The following ASIC2 variants were observed in gnomAD, a reference collection of about 807,000 sequenced individuals.
ASIC2 encodes acid sensing ion channel subunit 2.
Under a neutral mutation model 57.3 loss-of-function variants are expected in ASIC2, and 25 were observed. The ratio of observed to expected loss-of-function variants is 0.44; its 90% CI spans 0.32 to 0.61. ASIC2 has a LOEUF of 0.61. Among genes scored for constraint, ASIC2 ranks in the 20% least tolerant of loss-of-function variants. The probability of loss-of-function intolerance (pLI) is 0.06; values close to 1 mark genes in which losing one functional copy is unlikely to be tolerated. For synonymous variants in ASIC2, 319 were observed against 307.5 expected (o/e 1.04, Z -0.39); for missense variants, 641 against 738.1 (o/e 0.87, Z 1.52).
intron 1 of ASIC2, among the ~76,000 whole-genome samples, chr17:33,379,748 C>T (rs187968553): frequency 1.5e-4 from 23 of 152,240 alleles, no homozygotes; most frequent in African/African-American, 4.6e-4. Context: ...TTCATTTTAC[C>T]GTTGCTAATA....
At chr17:33,892,182 G>C (rs1410310285) in intron 1 of ASIC2, among the ~76,000 whole-genome samples, 2 of 152,168 alleles carry the variant, frequency 1.3e-5, no homozygotes, top group Non-Finnish European at 2.9e-5. Flanking sequence ...CAATGAACAA[G>C]AAAGAGAATA....
At chr17:33,859,429 G>C (rs1914046585) in intron 1 of ASIC2, among the ~76,000 whole-genome samples, 1 of 152,176 alleles carries the variant, frequency 6.6e-6, no homozygotes, top group South Asian at 2.1e-4. Flanking sequence ...ATTAAAGAGA[G>C]GCAGGCAATA....
chr17:34,090,352 G>T (rs554061191), intron 1 of ASIC2, among the ~76,000 whole-genome samples: 1 of 152,200 alleles, frequency 6.6e-6, no homozygotes, highest in Admixed American at 6.5e-5. Context: ...CTTTTCCAAG[G>T]TTACTGAGTA....
chr17:33,546,775 T>G (rs2141973426), intron 1 of ASIC2, among the ~76,000 whole-genome samples: 1 of 152,272 alleles, frequency 6.6e-6, no homozygotes, highest in African/African-American at 2.4e-5. Context: ...TTCTCTCTCC[T>G]CTTACAGATT....
chr17:33,996,872 G>A (rs957686272), intron 1 of ASIC2, among the ~76,000 whole-genome samples: 2 of 152,126 alleles, frequency 1.3e-5, no homozygotes, highest in African/African-American at 4.8e-5. Context: ...TTTTAGGGTT[G>A]TTTGTTCTAA....
At chr17:33,096,996 CA>C (rs1157519863) in intron 2 of ASIC2, among the ~76,000 whole-genome samples, 4 of 152,214 alleles carry the variant, frequency 2.6e-5, no homozygotes, top group Non-Finnish European at 5.9e-5. Context: ...TAGGTGCCCC[CA>C]TTTTACAGAC....
At chr17:33,784,605 C>T (rs1911550637) in intron 1 of ASIC2, among the ~76,000 whole-genome samples, 1 of 152,102 alleles carries the variant, frequency 6.6e-6, no homozygotes, top group Non-Finnish European at 1.5e-5. Context: ...TACATCATTG[C>T]AACAAAATTA....
chr17:33,705,060 C>T (rs1031501097), intron 1 of ASIC2, among the ~76,000 whole-genome samples: 2 of 152,132 alleles, frequency 1.3e-5, no homozygotes, highest in Non-Finnish European at 2.9e-5. Flanking sequence ...GGAGACTTGC[C>T]TGGTGTTTGT....
At chr17:33,329,530 G>T (rs1907219440) in intron 1 of ASIC2, among the ~76,000 whole-genome samples, 1 of 152,168 alleles carries the variant, frequency 6.6e-6, no homozygotes, top group Admixed American at 6.5e-5. Context: ...GAAGTGGCTT[G>T]GCTAAGGTCA....
chr17:33,370,305 C>T (rs1300669150), intron 1 of ASIC2, among the ~76,000 whole-genome samples: 2 of 152,192 alleles, frequency 1.3e-5, no homozygotes, highest in Admixed American at 6.5e-5. Context: ...CAAAGAACAC[C>T]ACCCCCAACC....
chr17:33,162,269 A>G (rs1905184351), intron 1 of ASIC2, among the ~76,000 whole-genome samples: 1 of 152,190 alleles, frequency 6.6e-6, no homozygotes, highest in African/African-American at 2.4e-5. Flanking sequence ...ACTGAGAAGC[A>G]AATCCTGCGG....
At chr17:33,287,621 C>A (rs1905249422) in intron 1 of ASIC2, among the ~76,000 whole-genome samples, 1 of 152,196 alleles carries the variant, frequency 6.6e-6, no homozygotes, top group Non-Finnish European at 1.5e-5. Flanking sequence ...ACAGCTGCAA[C>A]AAAGAGAGGA....
chr17:33,582,571 A>G (rs1417646956), intron 1 of ASIC2, among the ~76,000 whole-genome samples: 1 of 152,234 alleles, frequency 6.6e-6, no homozygotes, highest in Non-Finnish European at 1.5e-5. Context: ...GGATAGTAAC[A>G]GTAACTACCT....
chr17:33,919,927 C>T (rs1035904960), intron 1 of ASIC2, among the ~76,000 whole-genome samples: 3 of 152,198 alleles, frequency 2.0e-5, no homozygotes, highest in African/African-American at 7.2e-5. Context: ...AAACGCTCCA[C>T]ATCACTAACC....
chr17:33,489,932 C>A (rs1381817921), intron 1 of ASIC2, among the ~76,000 whole-genome samples: 2 of 152,184 alleles, frequency 1.3e-5, no homozygotes, highest in Non-Finnish European at 2.9e-5. Flanking sequence ...AACGCGAGCC[C>A]ACTTTATTCC....
At chr17:33,269,613 C>CCCTCCCTTCCTTCCTT (rs1904365417) in intron 1 of ASIC2, among the ~76,000 whole-genome samples, 60 of 73,426 alleles carry the variant, frequency 8.2e-4, no homozygotes, top group Non-Finnish European at 1.2e-3. Flanking sequence ...AGGGCTCCTT[C>CCCTCCCTTCCTTCCTT]CCTTCCTTCC....
chr17:34,099,013 A>G (rs529605763), intron 1 of ASIC2, among the ~76,000 whole-genome samples: 1 of 151,688 alleles, frequency 6.6e-6, no homozygotes, highest in East Asian at 1.9e-4. Context: ...ACAGGGATTT[A>G]GAGGACTCTG....
intron 1 of ASIC2, among the ~76,000 whole-genome samples, chr17:33,766,641 A>T (rs1910943604): frequency 6.6e-6 from 1 of 152,144 alleles, no homozygotes; most frequent in African/African-American, 2.4e-5. Context: ...TATTATTATT[A>T]TTATTTACCT....
chr17:33,669,757 T>A (rs1907587036), intron 1 of ASIC2, among the ~76,000 whole-genome samples: 1 of 152,198 alleles, frequency 6.6e-6, no homozygotes, highest in Non-Finnish European at 1.5e-5. Flanking sequence ...TGAGATTTCA[T>A]GTTTGGTTTT....
Sources: gnomAD v4.1 joint callset for allele counts (sites outside exome capture counted in the v4.1 genomes callset) on GRCh38, gnomAD v4.1.1 for gene constraint, MANE v1.5 for transcripts, NCBI Gene and HGNC (gene_info 2026-07-23, HGNC 2026-07-21) for gene names.